The following TENM4 variants were observed in gnomAD, a reference collection of about 807,000 sequenced individuals.
TENM4 encodes teneurin transmembrane protein 4.
TENM4 carries 82 observed loss-of-function variants against 243.3 expected under a neutral mutation model. The ratio of observed to expected loss-of-function variants is 0.34; its 90% CI spans 0.28 to 0.40. The LOEUF (loss-of-function observed/expected upper bound fraction) is 0.40, where lower values mean the gene tolerates loss of function less well. TENM4 is among the 10% of genes least tolerant of loss of function. TENM4 has a pLI of 1.00. For missense variants in TENM4, 3,138 were observed against 3,673.3 expected (o/e 0.85, Z 3.77); for synonymous variants, 1,412 against 1,456.3 (o/e 0.97, Z 0.69).
intron 3 of TENM4, among the ~76,000 whole-genome samples, chr11:79,163,861 CAT>C (rs1862819726): frequency 7.0e-6 from 1 of 143,066 alleles, no homozygotes; most frequent in Non-Finnish European, 1.5e-5. Flanking sequence ...TATATACACA[CAT>C]ATATACACAT....
At chr11:79,324,635 T>C (rs1321465121) in intron 1 of TENM4, among the ~76,000 whole-genome samples, 1 of 152,128 alleles carries the variant, frequency 6.6e-6, no homozygotes, top group Non-Finnish European at 1.5e-5. Context: ...TAGATATAGA[T>C]ATAATCACAA....
chr11:79,176,804 C>A (rs1318701766), intron 3 of TENM4, among the ~76,000 whole-genome samples: 1 of 152,108 alleles, frequency 6.6e-6, no homozygotes, highest in Non-Finnish European at 1.5e-5. Flanking sequence ...TAAATACAAT[C>A]ATTTTATTCA....
intron 2 of TENM4, among the ~76,000 whole-genome samples, chr11:79,217,636 G>T (rs1438546815): frequency 1.3e-5 from 2 of 152,092 alleles, no homozygotes; most frequent in Admixed American, 6.6e-5. Context: ...ACTCTATTAG[G>T]CAGGAACATT....
Position 78,688,138 on chromosome 11 carries a change from C to T in TENM4, c.5176G>A (p.Val1726Ile). The T allele has an allele frequency of 6.2e-7, 1 of 1,613,944 alleles. No individual in the cohort carries two copies. Among genetic ancestry groups the T allele is most frequent in the Non-Finnish European group, 8.5e-7 (1 of 1,179,868 alleles). The change falls in exon 29 of 34, where the codon GTC becomes ATC. Residue 1726 changes from valine (V) to isoleucine (I), a missense_variant. By Grantham distance (29) the Val-to-Ile change is conservative. Transcript: ENST00000278550. ...FRSDTDSSVH[V>I]QVETSSKDDV... ...TCCTTGCTGGAGGTCTCTACCTGGA[C>T]ATGCACTGAACTGTCTGTATCACTT...
chr11:79,085,535 C>T (rs1321418832), intron 4 of TENM4, among the ~76,000 whole-genome samples: 1 of 152,012 alleles, frequency 6.6e-6, no homozygotes, highest in Non-Finnish European at 1.5e-5. Context: ...ATAGTATATA[C>T]CACCTTACAG....
In TENM4 at chr11:79,103,319, A is replaced by G. The variant is rs572724140; in HGVS notation, c.-65-33310T>C. Among the ~76,000 whole-genome samples, 25 of 152,324 alleles carry G rather than the reference A, an allele frequency of 1.6e-4. No individual in the cohort carries two copies. In the South Asian group the frequency reaches 5.2e-3, roughly 32 times the overall value. On this transcript the variant is annotated intron_variant, in intron 4 of 33. Coordinates refer to ENST00000278550, the MANE Select transcript of TENM4 (RefSeq NM_001098816.3). The stretch of plus-strand genomic sequence containing the variant: ...TAGAATAAAATAATGTTGTATGATT[A>G]TAGAAATAACACATTGTTATTGCAC...
intron 1 of TENM4, among the ~76,000 whole-genome samples, chr11:79,398,497 G>A (rs1326944590): frequency 2.0e-5 from 3 of 151,990 alleles, no homozygotes; most frequent in Non-Finnish European, 4.4e-5. Context: ...TTCACATTAT[G>A]GAAATACTAA....
At chr11:79,308,532 T>C (rs1296539820) in intron 1 of TENM4, among the ~76,000 whole-genome samples, 1 of 152,222 alleles carries the variant, frequency 6.6e-6, no homozygotes. Flanking sequence ...GCTATTGTGG[T>C]TTATTACCCA....
rs1287966462 is a variant in TENM4, at chr11:78,903,367, T to C, written c.650A>G (p.Asp217Gly). The change falls in exon 7 of 34, where the codon GAC (aspartate) becomes GGC (glycine). Residue 217 changes from aspartate to glycine, a missense_variant. Transcript: ENST00000278550. ...PRSNPSPAPT[D>G]HSLSGEPPAG... Reference sequence around the variant, plus strand: ...AGGGGGCTCTCCGGAGAGCGAGTGGTCCGTGGGGGCCGGGCTGGGGTTGCT... The same window carrying C: ...AGGGGGCTCTCCGGAGAGCGAGTGGCCCGTGGGGGCCGGGCTGGGGTTGCT... 2.0e-6 allele frequency: 3 copies of C among 1,512,706 alleles called. No individual in the cohort carries two copies. Among genetic ancestry groups the C allele is most frequent in the Non-Finnish European group, 2.7e-6 (3 of 1,130,192 alleles). 93.7% of individuals were successfully genotyped at this position (1,512,706 alleles called of 1,614,324 possible). A position where few individuals can be genotyped will look rare whatever the true frequency, so the allele number is the denominator to read the frequency against.
chr11:79,336,304 T>C (rs1857147415), intron 1 of TENM4, among the ~76,000 whole-genome samples: 1 of 152,200 alleles, frequency 6.6e-6, no homozygotes, highest in Admixed American at 6.5e-5. Flanking sequence ...AGCAAATCCC[T>C]GTCCTCCTCC....
At chr11:79,080,841 T>G (rs185320847) in intron 4 of TENM4, among the ~76,000 whole-genome samples, 13 of 152,230 alleles carry the variant, frequency 8.5e-5, no homozygotes, top group Non-Finnish European at 1.6e-4. Flanking sequence ...GAAACCCAGT[T>G]TATTGGATTG....
At chr11:78,693,888 G>A (rs928830630) in intron 28 of TENM4, among the ~76,000 whole-genome samples, 2 of 152,140 alleles carry the variant, frequency 1.3e-5, no homozygotes, top group East Asian at 3.9e-4. Context: ...GTGGCTGGGT[G>A]CCTGTAATCC....
chr11:78,738,954 C>T (rs1855861070), intron 19 of TENM4, among the ~76,000 whole-genome samples: 1 of 151,814 alleles, frequency 6.6e-6, no homozygotes, highest in Admixed American at 6.6e-5. Context: ...GCTCTCTGAA[C>T]TTCAGTAGGC....
intron 6 of TENM4, among the ~76,000 whole-genome samples, chr11:78,914,314 C>T (rs1221375118): frequency 3.3e-5 from 5 of 152,134 alleles, no homozygotes; most frequent in Non-Finnish European, 5.9e-5. Flanking sequence ...AAGGAAATAG[C>T]GAGAATACTA....
At chr11:78,929,460 AAG>A (rs978062433) in intron 6 of TENM4, among the ~76,000 whole-genome samples, 2 of 152,172 alleles carry the variant, frequency 1.3e-5, no homozygotes, top group Non-Finnish European at 2.9e-5. Flanking sequence ...ACAGGTTCAG[AAG>A]AGAGACAAGA....
chr11:78,844,107 C>A (rs1345036790), intron 12 of TENM4, among the ~76,000 whole-genome samples: 1 of 152,178 alleles, frequency 6.6e-6, no homozygotes, highest in Non-Finnish European at 1.5e-5. Flanking sequence ...GTTTCCTCAT[C>A]TTTAAAATGC....
chr11:79,421,287 T>A (rs1858925786), intron 1 of TENM4, among the ~76,000 whole-genome samples: 1 of 152,222 alleles, frequency 6.6e-6, no homozygotes, highest in African/African-American at 2.4e-5. Flanking sequence ...GCCACTTTCA[T>A]CCATATGTAT....
intron 6 of TENM4, among the ~76,000 whole-genome samples, chr11:79,059,381 G>A (rs1860029786): frequency 1.3e-5 from 2 of 152,114 alleles, no homozygotes; most frequent in Non-Finnish European, 2.9e-5. Context: ...TGCATAACAT[G>A]AGTGGAATGA....
At chr11:78,690,251 C>A (rs1448145787) in intron 28 of TENM4, among the ~76,000 whole-genome samples, 1 of 152,102 alleles carries the variant, frequency 6.6e-6, no homozygotes, top group African/African-American at 2.4e-5. Context: ...GAGTAAAGAT[C>A]TGAGATGCAT....
Sources: allele counts gnomAD v4.1 joint callset (sites outside exome capture counted in the v4.1 genomes callset), GRCh38; gene constraint gnomAD v4.1.1; transcripts MANE v1.5; gene names NCBI Gene and HGNC (gene_info 2026-07-23, HGNC 2026-07-21).